The following PKHD1 variants were observed in gnomAD, a reference collection of about 807,000 sequenced individuals.
PKHD1 encodes fibrocystin.
PKHD1 carries 291 observed loss-of-function variants against 412.0 expected under a neutral mutation model. That is an observed-to-expected ratio of 0.71 (90% CI 0.64 to 0.78). The LOEUF (loss-of-function observed/expected upper bound fraction) is 0.78. Ranked by LOEUF, PKHD1 falls within the 30% of genes least tolerant of loss-of-function variation. The probability of loss-of-function intolerance (pLI) is 0.00; values close to 1 mark genes in which losing one functional copy is unlikely to be tolerated. For synonymous variants in PKHD1, 1,777 were observed against 1,821.5 expected (o/e 0.98, Z 0.62); for missense variants, 4,825 against 4,950.7 (o/e 0.97, Z 0.76).
At chr6:51,640,977 T>C (rs960784673) in intron 63 of PKHD1, among the ~76,000 whole-genome samples, 4 of 152,168 alleles carry the variant, frequency 2.6e-5, no homozygotes, top group African/African-American at 9.7e-5. Flanking sequence ...GATATATAGA[T>C]ATGGTTTTGT....
intron 57 of PKHD1, among the ~76,000 whole-genome samples, chr6:51,749,318 TA>T (rs763986218): frequency 6.3e-4 from 96 of 152,210 alleles, no homozygotes; most frequent in Non-Finnish European, 5.9e-4. Context: ...TTCATTTTTA[TA>T]AGATTTTCTA....
At chr6:51,676,302 G>A (rs1039663259) in intron 60 of PKHD1, among the ~76,000 whole-genome samples, 6 of 145,274 alleles carry the variant, frequency 4.1e-5, no homozygotes, top group Non-Finnish European at 7.6e-5. Flanking sequence ...CTGAAGGAAA[G>A]AAAAAAATTT....
At chr6:52,054,586 C>T (rs911562425) in intron 19 of PKHD1, among the ~76,000 whole-genome samples, 2 of 152,154 alleles carry the variant, frequency 1.3e-5, no homozygotes, top group African/African-American at 2.4e-5. Context: ...GTTTCTAACT[C>T]AGTTAAAGGC....
At chr6:51,722,292 T>C (rs1475268802) in intron 60 of PKHD1, among the ~76,000 whole-genome samples, 1 of 152,174 alleles carries the variant, frequency 6.6e-6, no homozygotes, top group African/African-American at 2.4e-5. Flanking sequence ...GTTGGTTACT[T>C]GGATTTTCCT....
intron 44 of PKHD1, 104 bp downstream of exon 44, chr6:51,887,029 C>T (rs1186583627): frequency 9.0e-6 from 7 of 780,880 alleles, no homozygotes; most frequent in East Asian, 2.5e-5. Context: ...AGGAACATCA[C>T]CCAATCTCCA....
At chr6:52,034,660 A>G (rs992294642) in intron 28 of PKHD1, among the ~76,000 whole-genome samples, 3 of 152,182 alleles carry the variant, frequency 2.0e-5, no homozygotes, top group Admixed American at 6.5e-5. Flanking sequence ...TTATCCTGAG[A>G]AAAGAAATGT....
intron 55 of PKHD1, among the ~76,000 whole-genome samples, chr6:51,768,742 T>C (rs1789551654): frequency 6.6e-6 from 1 of 151,804 alleles, no homozygotes. Context: ...CAAACGATAA[T>C]ATTTAATGTC....
At chr6:51,963,934 T>C (rs1792439343) in intron 35 of PKHD1, among the ~76,000 whole-genome samples, 2 of 152,064 alleles carry the variant, frequency 1.3e-5, no homozygotes, top group Admixed American at 6.6e-5. Context: ...ACATCACTCA[T>C]TCTTATTCTG....
chr6:51,770,990 T>G (rs976867480), intron 55 of PKHD1, among the ~76,000 whole-genome samples: 3 of 152,086 alleles, frequency 2.0e-5, no homozygotes, highest in African/African-American at 7.2e-5. Context: ...AAAGTGAGAT[T>G]TCTTTGGGGA....
chr6:51,638,742 G>T, intron 64 of PKHD1, 107 bp downstream of exon 64: 1 of 748,638 alleles, frequency 1.3e-6, no homozygotes, highest in South Asian at 1.5e-5. Context: ...AAACTATGAT[G>T]ACCTCTTATT....
chr6:51,685,992 A>G (rs1275105785), intron 60 of PKHD1, among the ~76,000 whole-genome samples: 2 of 152,006 alleles, frequency 1.3e-5, no homozygotes, highest in East Asian at 3.9e-4. Context: ...ATTCCATTCC[A>G]CTTATCCACG....
At chr6:51,683,947 T>C (rs530429575) in intron 60 of PKHD1, among the ~76,000 whole-genome samples, 2 of 152,068 alleles carry the variant, frequency 1.3e-5, no homozygotes, top group Admixed American at 1.3e-4. Context: ...CATGAGCAAC[T>C]TGAGTACAGA....
At chr6:51,936,520 C>T (rs1189536223) in intron 36 of PKHD1, among the ~76,000 whole-genome samples, 1 of 152,138 alleles carries the variant, frequency 6.6e-6, no homozygotes, top group Non-Finnish European at 1.5e-5. Context: ...AGTAGTTAAA[C>T]ATGCACTGGA....
chr6:51,742,248 A>G (rs1784646061), intron 60 of PKHD1, among the ~76,000 whole-genome samples: 1 of 152,206 alleles, frequency 6.6e-6, no homozygotes, highest in Non-Finnish European at 1.5e-5. Context: ...TAAAACGAAC[A>G]TTTATTCAGC....
At chr6:51,766,794 G>A (rs1441092545) in intron 55 of PKHD1, among the ~76,000 whole-genome samples, 1 of 151,824 alleles carries the variant, frequency 6.6e-6, no homozygotes, top group African/African-American at 2.4e-5. Flanking sequence ...ACGAGTTAAT[G>A]GGTGCAAACA....
chr6:51,829,499 A>G (rs1767888134), intron 52 of PKHD1, among the ~76,000 whole-genome samples: 1 of 152,200 alleles, frequency 6.6e-6, no homozygotes, highest in South Asian at 2.1e-4. Context: ...AGATTCATCA[A>G]AGAGATGGCT....
intron 48 of PKHD1, among the ~76,000 whole-genome samples, chr6:51,858,315 C>T (rs911379910): frequency 1.3e-5 from 2 of 152,188 alleles, no homozygotes; most frequent in African/African-American, 4.8e-5. Flanking sequence ...ATGGCTCTCT[C>T]TTCCCCTGAT....
At chr6:51,783,804 T>C (rs1792429254) in intron 53 of PKHD1, among the ~76,000 whole-genome samples, 1 of 152,216 alleles carries the variant, frequency 6.6e-6, no homozygotes, top group African/African-American at 2.4e-5. Flanking sequence ...GAAAATACTT[T>C]GAATCCTACA....
intron 53 of PKHD1, among the ~76,000 whole-genome samples, chr6:51,778,159 G>A (rs906445693): frequency 9.9e-5 from 15 of 152,076 alleles, no homozygotes; most frequent in East Asian, 3.9e-4. Flanking sequence ...TCTCTCCAGC[G>A]TGGACTTTGC....
Sources: allele counts gnomAD v4.1 joint callset (sites outside exome capture counted in the v4.1 genomes callset), GRCh38; gene constraint gnomAD v4.1.1; transcripts MANE v1.5; gene names NCBI Gene and HGNC (gene_info 2026-07-23, HGNC 2026-07-21).